Variants in TRABD2B observed in about 807,000 individuals in gnomAD.
The protein encoded by TRABD2B is metalloprotease TIKI2.
Under a neutral mutation model 40.1 loss-of-function variants are expected in TRABD2B, and 14 were observed. That is an observed-to-expected ratio of 0.35 (90% CI 0.23 to 0.55). The LOEUF (loss-of-function observed/expected upper bound fraction) is 0.55. TRABD2B is among the 20% of genes least tolerant of loss of function. The pLI, the probability that TRABD2B is intolerant of heterozygous loss-of-function variation, is 0.90. For missense variants in TRABD2B, 541 were observed against 648.6 expected (o/e 0.83, Z 1.80); for synonymous variants, 263 against 277.0 (o/e 0.95, Z 0.50).
chr1:47,939,218 A>G (rs1257662120), intron 2 of TRABD2B, among the ~76,000 whole-genome samples: 2 of 152,056 alleles, frequency 1.3e-5, no homozygotes, highest in Non-Finnish European at 2.9e-5. Flanking sequence ...GATGGGATTG[A>G]AAGCACAGGC....
At chr1:47,850,210 C>T (rs56973147) in intron 2 of TRABD2B, among the ~76,000 whole-genome samples, 2,245 of 152,316 alleles carry the variant, frequency 0.015, 53 homozygotes, top group African/African-American at 0.052. Context: ...GGAGCTGGCC[C>T]AGTCCCTCTC....
At chr1:47,802,131 C>T (rs1644832007) in intron 2 of TRABD2B, among the ~76,000 whole-genome samples, 1 of 152,210 alleles carries the variant, frequency 6.6e-6, no homozygotes, top group Non-Finnish European at 1.5e-5. Flanking sequence ...TCCTGAACAT[C>T]TGCTCTATCC....
Position 47,801,570 on chromosome 1 carries a change from G to A in TRABD2B, c.716C>T (p.Ala239Val). The A allele has an allele frequency of 9.1e-6, 14 of 1,536,036 alleles. No homozygotes were observed. The highest frequency in any genetic ancestry group is 1.2e-5 in the Non-Finnish European group (14 of 1,146,858). The change falls in exon 3 of 7, where the codon GCC (alanine) becomes GTC (valine). Residue 239 changes from alanine (A) to valine (V), a missense_variant. Around this residue, in one of 2 missense-constraint regions of TRABD2B, gnomAD observed 369 missense variants for 492.8 expected, o/e 0.75. Coordinates refer to ENST00000606738, the MANE Select transcript of TRABD2B (RefSeq NM_001194986.2). ...GGTGTAGGAGGCCTGCAGGCTCCCG[G>A]CCCGCACACTCTCCTGCTGCAGCAG... ...QTLLQQESVR[A>V]GSLQASYTTE...
intron 2 of TRABD2B, among the ~76,000 whole-genome samples, chr1:47,848,728 C>T (rs1039895388): frequency 6.6e-6 from 1 of 152,192 alleles, no homozygotes; most frequent in Non-Finnish European, 1.5e-5. Context: ...AGACCCCCAG[C>T]CGAACACAAT....
Position 47,923,601 on chromosome 1 carries a change from T to C in TRABD2B, c.666+70433A>G, listed in dbSNP as rs142437235. On this transcript the variant is annotated intron_variant, in intron 2 of 6. Transcript: ENST00000606738. ...TGGGCCATGGTATCCAGATATTTGGTCAGACATTATTCTAGATGTTTCTGT... is the reference window on the plus strand; with the variant it reads ...TGGGCCATGGTATCCAGATATTTGGCCAGACATTATTCTAGATGTTTCTGT... Among the ~76,000 whole-genome samples the C allele has an allele frequency of 7.3e-3, 1,107 of 152,306 alleles. 20 individuals carry two copies. The highest frequency in any genetic ancestry group is 0.026 in the African/African-American group (1,073 of 41,566).
intron 4 of TRABD2B, among the ~76,000 whole-genome samples, chr1:47,781,175 C>T (rs1474707496): frequency 6.6e-6 from 1 of 152,182 alleles, no homozygotes; most frequent in Non-Finnish European, 1.5e-5. Context: ...TGGAGGAACT[C>T]TCTGCAAGCG....
intron 2 of TRABD2B, among the ~76,000 whole-genome samples, chr1:47,850,990 G>A (rs1423295575): frequency 6.6e-5 from 10 of 152,260 alleles, no homozygotes; most frequent in African/African-American, 1.9e-4. Context: ...TAATGCCACC[G>A]CTGATCTGAC....
At chr1:47,988,844 G>T (rs940869538) in intron 2 of TRABD2B, among the ~76,000 whole-genome samples, 3 of 152,312 alleles carry the variant, frequency 2.0e-5, no homozygotes, top group Middle Eastern at 3.4e-3. Context: ...CACAGGCAAG[G>T]TACTAACAGG....
chr1:47,919,361 A>G (rs986911089), intron 2 of TRABD2B, among the ~76,000 whole-genome samples: 1 of 152,230 alleles, frequency 6.6e-6, no homozygotes, highest in Non-Finnish European at 1.5e-5. Context: ...TCTCTTAGCC[A>G]TAGAGGGCTC....
intron 2 of TRABD2B, among the ~76,000 whole-genome samples, chr1:47,946,294 AT>A (rs1487563534): frequency 6.6e-6 from 1 of 152,200 alleles, no homozygotes; most frequent in African/African-American, 2.4e-5. Flanking sequence ...CAAGTTCTTT[AT>A]CAGATATGTA....
At chr1:47,791,218 A>G (rs1644667152) in intron 4 of TRABD2B, among the ~76,000 whole-genome samples, 1 of 152,060 alleles carries the variant, frequency 6.6e-6, no homozygotes, top group Admixed American at 6.5e-5. Context: ...TCACCTTCAC[A>G]TGCTTGGCCC....
intron 2 of TRABD2B, among the ~76,000 whole-genome samples, chr1:47,895,166 G>A (rs1181707230): frequency 6.6e-6 from 1 of 152,122 alleles, no homozygotes; most frequent in Non-Finnish European, 1.5e-5. Context: ...CCACAGGGAG[G>A]AAGACCTGAG....
chr1:47,990,799 A>T (rs1184918404), intron 2 of TRABD2B, among the ~76,000 whole-genome samples: 31 of 63,074 alleles, frequency 4.9e-4, no homozygotes, highest in South Asian at 6.3e-4. Context: ...ATATATATAT[A>T]TATATATATA....
intron 2 of TRABD2B, among the ~76,000 whole-genome samples, chr1:47,928,946 T>A (rs1645004858): frequency 6.6e-6 from 1 of 152,246 alleles, no homozygotes; most frequent in Non-Finnish European, 1.5e-5. Flanking sequence ...TAACATAACT[T>A]ACAAGACTAT....
chr1:47,994,143 A>G lies in TRABD2B; in HGVS notation c.557T>C (p.Leu186Pro). Residue 186 changes from leucine to proline, a missense_variant, in exon 2 of 7, where the codon CTC (leucine) becomes CCC (proline). Around this residue, in one of 2 missense-constraint regions of TRABD2B, gnomAD observed 369 missense variants for 492.8 expected, o/e 0.75. Transcript: ENST00000606738. The surrounding 1 kb of genome is among the most constrained non-coding windows in gnomAD (Gnocchi z 6.7). The stretch of plus-strand genomic sequence containing the variant: ...AGCCTGCTGGGCCAGGTAGAGGTCG[A>G]GCACGGGCACACCACGGAAGCGCAC... ...RDVRFRGVPV[L>P]DLYLAQQAEK... is the part of the protein sequence containing the mutation. The G allele has an allele frequency of 6.5e-7, 1 of 1,536,392 alleles. No individual in the cohort carries two copies. Among genetic ancestry groups the G allele is most frequent in the Non-Finnish European group, 8.7e-7 (1 of 1,146,950 alleles).
intron 2 of TRABD2B, among the ~76,000 whole-genome samples, chr1:47,832,816 C>T (rs1645268370): frequency 6.6e-6 from 1 of 151,978 alleles, no homozygotes; most frequent in Admixed American, 6.5e-5. Context: ...TTGGGGCTCT[C>T]AGAGTGGGGC....
intron 3 of TRABD2B, among the ~76,000 whole-genome samples, chr1:47,794,968 T>C (rs958609535): frequency 6.6e-6 from 1 of 152,090 alleles, no homozygotes; most frequent in African/African-American, 2.4e-5. Context: ...TGAATCCCAC[T>C]ATGTTGCCCT....
At chr1:47,909,774 C>T (rs1417524286) in intron 2 of TRABD2B, among the ~76,000 whole-genome samples, 1 of 14,498 alleles carries the variant, frequency 6.9e-5, no homozygotes, top group African/African-American at 2.8e-4. Flanking sequence ...CCCTTCCCCT[C>T]CCCTCCCCTC....
chr1:47,819,739 C>A (rs1645080894), intron 2 of TRABD2B: 1 of 152,136 alleles, frequency 6.6e-6, no homozygotes, highest in African/African-American at 2.4e-5. Flanking sequence ...CAGGTCCAGG[C>A]CAGTGTGGAG....
Sources: allele counts gnomAD v4.1 joint callset (sites outside exome capture counted in the v4.1 genomes callset), GRCh38; gene constraint gnomAD v4.1.1; regional missense constraint gnomAD v4.1.1; non-coding constraint Gnocchi (gnomAD v3.1); transcripts MANE v1.5; gene names NCBI Gene and HGNC (gene_info 2026-07-23, HGNC 2026-07-21).